Variants in CD3G observed in about 807,000 individuals in gnomAD.
The protein encoded by CD3G is CD3 gamma subunit of T-cell receptor complex, also known as T-cell surface glycoprotein CD3 gamma chain.
Under a neutral mutation model 28.3 loss-of-function variants are expected in CD3G, and 24 were observed. That is an observed-to-expected ratio of 0.85 (90% CI 0.61 to 1.19). CD3G has a LOEUF of 1.19. Ranked by LOEUF, CD3G falls within the 50% of genes most tolerant of loss-of-function variation. The pLI is 0.00. For missense variants in CD3G, 211 were observed against 210.0 expected (o/e 1.00, Z -0.03); for synonymous variants, 71 against 75.9 (o/e 0.93, Z 0.34).
At chr11:118,350,232 G>A (rs1176671267) in intron 3 of CD3G, 6 of 572,680 alleles carry the variant, frequency 1.0e-5, no homozygotes, top group East Asian at 9.2e-5. Flanking sequence ...GTTGAATGAA[G>A]GGGTTGGGGA....
In CD3G at chr11:118,349,035, G is replaced by A. The variant is rs139781104; in HGVS notation, c.64G>A (p.Ala22Thr). ...CTCTTCTGTCTTTACAGGTACTTTG[G>A]CCCAGTCAATCAAAGGTAGGAGAAA... ...LAIILLQGTL[A>T]QSIKGNHLVK... The change falls in exon 2 of 7, where the codon GCC (alanine) becomes ACC (threonine). Residue 22 changes from alanine (A) to threonine (T), a missense_variant. Physicochemically the swap from Ala to Thr is moderately conservative, Grantham distance 58. Transcript: ENST00000532917. 4.7e-4 allele frequency: 755 copies of A among 1,614,030 alleles called. 5 individuals carry two copies. The African/African-American group carries it at 9.1e-3, about 20-fold the overall frequency.
In CD3G at chr11:118,355,120, A is replaced by C. The variant is rs1194537539; in HGVS notation, c.*2020A>C. On this transcript the variant is annotated 3_prime_UTR_variant, in exon 7 of 7. Coordinates refer to ENST00000532917, the MANE Select transcript of CD3G (RefSeq NM_000073.3). ...ATAAATGTGATTTTGAACATACATAAGACTATTTGTAACAAACACAAATAA... is the reference window on the plus strand; with the variant it reads ...ATAAATGTGATTTTGAACATACATACGACTATTTGTAACAAACACAAATAA... 6.6e-6 allele frequency: 1 copy of C among 151,956 alleles called. No individual in the cohort carries two copies. The highest frequency in any genetic ancestry group is 1.9e-4 in the East Asian group (1 of 5,196). 9.4% of individuals were successfully genotyped at this position (151,956 alleles called of 1,614,324 possible).
chr11:118,350,737 C>T (rs1374380949), intron 4 of CD3G, 54 bp downstream of exon 4: 10 of 1,612,376 alleles, frequency 6.2e-6, no homozygotes, highest in South Asian at 1.1e-5. Context: ...CTCAGCTTTC[C>T]TCCTACCATT....
chr11:118,348,375 G>A (rs1948375237), intron 1 of CD3G, among the ~76,000 whole-genome samples: 1 of 151,854 alleles, frequency 6.6e-6, no homozygotes, highest in Non-Finnish European at 1.5e-5. Context: ...TCCTATTTCA[G>A]TTTTATTAAA....
chr11:118,350,909 A>AAAAAAAAAAAAAAAAAAAAAAG (rs1948403738), intron 4 of CD3G: 3 of 1,272,742 alleles, frequency 2.4e-6, no homozygotes, highest in African/African-American at 3.1e-5. Context: ...AAAAACAAAA[A>AAAAAAAAAAAAAAAAAAAAAAG]CAGGCGCAGT....
chr11:118,346,518 T>C (rs1948358096), intron 1 of CD3G, among the ~76,000 whole-genome samples: 1 of 151,798 alleles, frequency 6.6e-6, no homozygotes, highest in African/African-American at 2.4e-5. Flanking sequence ...ATATGCAACA[T>C]TAAAAGATGT....
chr11:118,344,533 A>G, intron 1 of CD3G, 55 bp downstream of exon 1: 1 of 1,380,828 alleles, frequency 7.2e-7, no homozygotes, highest in South Asian at 1.2e-5. Flanking sequence ...GGAAGAGCCC[A>G]TCACTAGTGA....
intron 1 of CD3G, among the ~76,000 whole-genome samples, chr11:118,346,452 A>G (rs973250017): frequency 6.6e-6 from 1 of 152,016 alleles, no homozygotes; most frequent in Admixed American, 6.6e-5. Context: ...ACAAAACAAA[A>G]AAAAAAGAAA....
chr11:118,346,049 C>T (rs1205504199), intron 1 of CD3G, among the ~76,000 whole-genome samples: 1 of 152,162 alleles, frequency 6.6e-6, no homozygotes, highest in African/African-American at 2.4e-5. Context: ...CAGTAGAAAA[C>T]CTGAGCTCTG....
At chr11:118,349,682 A>G (rs1948387573) in intron 2 of CD3G, 61 bp from the exon 3 acceptor site, 3 of 1,231,478 alleles carry the variant, frequency 2.4e-6, no homozygotes, top group Non-Finnish European at 3.6e-6. Context: ...CCTGGTATGC[A>G]GAAGCAGGGA....
At chr11:118,349,616 A>T (rs1467109949) in intron 2 of CD3G, 127 bp from the exon 3 acceptor site, 1 of 793,766 alleles carries the variant, frequency 1.3e-6, no homozygotes, top group Non-Finnish European at 2.2e-6. Context: ...TTTTAACAAG[A>T]TCCCCATGTG....
chr11:118,349,554 T>C (rs1031957283), intron 2 of CD3G, 189 bp from the exon 3 acceptor site: 4 of 650,214 alleles, frequency 6.2e-6, no homozygotes, highest in African/African-American at 1.8e-5. Flanking sequence ...CCCGAGAGCA[T>C]GTTAGTAATG....
At chr11:118,348,950 A>G in intron 1 of CD3G, 77 bp from the exon 2 acceptor site, 1 of 1,525,754 alleles carries the variant, frequency 6.6e-7, no homozygotes, top group Non-Finnish European at 9.1e-7. Flanking sequence ...TTGGCCTCAA[A>G]TAACCATGGA....
intron 4 of CD3G, chr11:118,350,898 A>AAG: frequency 8.1e-7 from 1 of 1,235,914 alleles, no homozygotes; most frequent in Non-Finnish European, 1.0e-6. Context: ...TGAAAAAAAA[A>AAG]AAAAACAAAA....
chr11:118,349,470 C>T lies in CD3G; in HGVS notation c.80-273C>T, dbSNP rs1948385693. 6 of 622,006 alleles carry T rather than the reference C, an allele frequency of 9.6e-6. No individual in the cohort carries two copies. The South Asian group carries it at 1.2e-4, about 13-fold the overall frequency. The allele number at this position is 622,006 out of a possible 1,614,324, so 38.5% of individuals were successfully genotyped here. ...TCTTCCAAATAACATGCCCCAAAAT[C>T]CCAAAGTTTTACCCCTACTAATTAC... On this transcript the variant is annotated intron_variant, in intron 2 of 6. Transcript: ENST00000532917.
In CD3G at chr11:118,349,861, T is replaced by C. The variant is rs759381967; in HGVS notation, c.198T>C (p.Thr66=). The C allele has an allele frequency of 3.7e-6, 6 of 1,613,760 alleles. 1 individual carries two copies. In the South Asian group the frequency reaches 5.5e-5, roughly 15 times the overall value. ...ATGGGAAGATGATCGGCTTCCTAAC[T>C]GAAGATAAAAAAAAATGGAATCTGG... ...FKDGKMIGFL[T]EDKKKWNLGS... Residue 66 remains threonine (T), a synonymous_variant, in exon 3 of 7, where the codon ACT becomes ACC. Coordinates refer to ENST00000532917, the MANE Select transcript of CD3G (RefSeq NM_000073.3).
intron 1 of CD3G, among the ~76,000 whole-genome samples, chr11:118,348,759 A>G (rs1948379420): frequency 6.6e-6 from 1 of 152,208 alleles, no homozygotes; most frequent in African/African-American, 2.4e-5. Flanking sequence ...CACCACAGAT[A>G]ACAAAGCCAC....
rs1465605806 is a variant in CD3G, at chr11:118,352,414, A to T, written c.494A>T (p.Asp165Val). 3 of 1,614,090 alleles carry T rather than the reference A, an allele frequency of 1.9e-6. No individual in the cohort carries two copies. The highest frequency in any genetic ancestry group is 1.7e-6 in the Non-Finnish European group (2 of 1,179,926). ...TGCTGTCCTTTCCAGCCCCTCAAGG[A>T]TCGAGAAGATGACCAGTACAGCCAC... Reference protein sequence around the residue: ...PNDQLYQPLKDREDDQYSHLQ... With the variant: ...PNDQLYQPLKVREDDQYSHLQ... The change falls in exon 6 of 7, where the codon GAT becomes GTT. Residue 165 changes from aspartate to valine, a missense_variant. Transcript: ENST00000532917.
chr11:118,354,304 C>CTTTTTTTTT lies in CD3G; in HGVS notation c.*1212_*1220dup, dbSNP rs71041832. On this transcript the variant is annotated 3_prime_UTR_variant, in exon 7 of 7. Transcript: ENST00000532917. The stretch of plus-strand genomic sequence containing the variant: ...TTTTTTCTTTTCTTTTCTTTTTTTT[C>CTTTTTTTTT]TTTTTTTTTTTTTTTTGAAGTGGAA... 124 of 124,030 alleles carry CTTTTTTTTT rather than the reference C, an allele frequency of 1.0e-3. No homozygotes were observed. Among genetic ancestry groups the CTTTTTTTTT allele is most frequent in the Non-Finnish European group, 1.3e-3 (78 of 59,846 alleles). The allele number at this position is 124,030 out of a possible 1,614,324, so 7.7% of individuals were successfully genotyped here.
Sources: gnomAD v4.1 joint callset for allele counts (sites outside exome capture counted in the v4.1 genomes callset) on GRCh38, gnomAD v4.1.1 for gene constraint, MANE v1.5 for transcripts, NCBI Gene and HGNC (gene_info 2026-07-23, HGNC 2026-07-21) for gene names.